VIPR1: variants seen among roughly 807,000 people sequenced by gnomAD.
The protein encoded by VIPR1 is vasoactive intestinal peptide receptor 1, also known as vasoactive intestinal polypeptide receptor 1.
Under a neutral mutation model 58.8 loss-of-function variants are expected in VIPR1, and 59 were observed. The ratio of observed to expected loss-of-function variants is 1.00; its 90% CI spans 0.81 to 1.25. The LOEUF is 1.25. VIPR1 is among the 50% of genes most tolerant of loss of function. The pLI is 0.00. For synonymous variants in VIPR1, 251 were observed against 242.1 expected (o/e 1.04, Z -0.34); for missense variants, 626 against 602.7 (o/e 1.04, Z -0.40).
intron 9 of VIPR1, 146 bp from the exon 10 acceptor site, chr3:42,532,096 C>A: frequency 1.0e-6 from 1 of 956,452 alleles, no homozygotes; most frequent in Non-Finnish European, 1.6e-6. Context: ...CCCGGATGAC[C>A]TGCCCAAAGG....
intron 5 of VIPR1, 33 bp from the exon 6 acceptor site, chr3:42,527,958 C>T (rs1701323198): frequency 2.5e-6 from 4 of 1,608,450 alleles, no homozygotes; most frequent in Non-Finnish European, 3.4e-6. Context: ...TCCAAGGCCC[C>T]TTTGGCCTCC....
chr3:42,500,939 G>T (rs1280366095), upstream of VIPR1, among the ~76,000 whole-genome samples: 1 of 152,206 alleles, frequency 6.6e-6, no homozygotes, highest in Non-Finnish European at 1.5e-5. Context: ...AGCTCCCCAA[G>T]TTCCCCTCAT....
intron 6 of VIPR1, chr3:42,528,534 C>A: frequency 4.7e-6 from 1 of 213,438 alleles, no homozygotes. Context: ...CCTGCATAGC[C>A]AGGGCTCTGC....
At chr3:42,505,406 C>T (rs1456286536) in intron 1 of VIPR1, among the ~76,000 whole-genome samples, 1 of 152,214 alleles carries the variant, frequency 6.6e-6, no homozygotes, top group South Asian at 2.1e-4. Flanking sequence ...TGGCCACAAG[C>T]TCCTGAAGGC....
chr3:42,533,806 C>G (rs572367601), intron 10 of VIPR1: 5 of 152,370 alleles, frequency 3.3e-5, no homozygotes, highest in African/African-American at 1.2e-4. Context: ...GGCTGAGAAC[C>G]AGGTCCAGGA....
chr3:42,522,323 G>C (rs1214010894), intron 3 of VIPR1, among the ~76,000 whole-genome samples: 1 of 151,414 alleles, frequency 6.6e-6, no homozygotes, highest in East Asian at 2.0e-4. Context: ...TAGCCAGGAT[G>C]GTCTCGATCT....
At position 42,507,636 on chromosome 3, in the gene VIPR1, G is replaced by A. The variant is rs557419325; in HGVS notation, c.78+4823G>A. ...CAGTTCCCTAGGTGTGGCCAGGATC[G>A]TGAACAAGCAGCAGAGGATTTAAAC... On this transcript the variant is annotated intron_variant, in intron 1 of 12. Coordinates refer to ENST00000325123, the MANE Select transcript of VIPR1 (RefSeq NM_004624.4). Among the ~76,000 whole-genome samples, 7 of 152,294 alleles carry A rather than the reference G, an allele frequency of 4.6e-5. No individual in the cohort carries two copies. In the South Asian group the frequency reaches 1.0e-3, roughly 23 times the overall value.
At chr3:42,518,088 T>A (rs1331707183) in intron 2 of VIPR1, among the ~76,000 whole-genome samples, 1 of 152,008 alleles carries the variant, frequency 6.6e-6, no homozygotes, top group Non-Finnish European at 1.5e-5. Context: ...CACGTACCCA[T>A]CCACTTTATA....
chr3:42,518,572 C>G (rs1700747646), intron 2 of VIPR1, among the ~76,000 whole-genome samples: 1 of 152,124 alleles, frequency 6.6e-6, no homozygotes, highest in Non-Finnish European at 1.5e-5. Flanking sequence ...AACCCTGTCT[C>G]TACTAAAAAT....
chr3:42,513,857 G>A lies in VIPR1; in HGVS notation c.184+3G>A. On this transcript the variant is annotated splice_donor_region_variant and intron_variant, in intron 2 of 12. Coordinates refer to ENST00000325123, the MANE Select transcript of VIPR1 (RefSeq NM_004624.4). ...CCAGCTGGAGAATGAGACAATAGGT[G>A]AGGCCCCCATGGGCAGAGAGGGGCT... The A allele has an allele frequency of 6.4e-7, 1 of 1,551,534 alleles. No individual in the cohort carries two copies. Among genetic ancestry groups the A allele is most frequent in the Non-Finnish European group, 8.7e-7 (1 of 1,146,876 alleles).
chr3:42,516,025 G>T (rs1251026862), intron 2 of VIPR1, among the ~76,000 whole-genome samples: 13 of 152,188 alleles, frequency 8.5e-5, no homozygotes, highest in Non-Finnish European at 1.9e-4. Flanking sequence ...ATGTGTGCAT[G>T]TTTGCATGTG....
chr3:42,495,375 C>T (rs1412978046), intron 1 of VIPR1, among the ~76,000 whole-genome samples: 6 of 152,150 alleles, frequency 3.9e-5, no homozygotes, highest in Non-Finnish European at 8.8e-5. Flanking sequence ...CCCTCCTTGG[C>T]CTCCCAAAGT....
At chr3:42,531,559 G>C (rs141356995) in intron 8 of VIPR1, 28 bp downstream of exon 8, 2 of 1,589,378 alleles carry the variant, frequency 1.3e-6, no homozygotes, top group African/African-American at 2.7e-5. Context: ...ACACTCCCCC[G>C]GCCGCCATCA....
At chr3:42,499,092 C>T (rs1442941869), upstream of VIPR1, among the ~76,000 whole-genome samples, 1 of 152,226 alleles carries the variant, frequency 6.6e-6, no homozygotes, top group African/African-American at 2.4e-5. Flanking sequence ...CCGGAGAAAG[C>T]AAATGTTGCC....
chr3:42,528,114 C>G lies in VIPR1; in HGVS notation c.627C>G (p.Ser209=). Residue 209 remains serine, a synonymous_variant, in exon 6 of 13, where the codon TCC becomes TCG. Transcript: ENST00000325123. ...LFDSGESDQC[S]EGSVGCKAAM... The stretch of plus-strand genomic sequence containing the variant: ...ACAGCGGGGAGTCGGACCAGTGCTC[C>G]GAGGGCTCGGTGAGGATCCTGGCCC... 2 of 1,613,588 alleles carry G rather than the reference C, an allele frequency of 1.2e-6. No homozygotes were observed. The highest frequency in any genetic ancestry group is 1.1e-5 in the South Asian group (1 of 91,068).
At chr3:42,504,072 T>C (rs1162835740) in intron 1 of VIPR1, among the ~76,000 whole-genome samples, 4 of 152,110 alleles carry the variant, frequency 2.6e-5, no homozygotes, top group Non-Finnish European at 5.9e-5. Context: ...GAGACCCACC[T>C]CCTGAGCACT....
Position 42,519,275 on chromosome 3 carries a change from C to T in VIPR1, c.237C>T (p.Gly79=). 1 of 1,611,102 alleles carries T rather than the reference C, an allele frequency of 6.2e-7. No individual in the cohort carries two copies. The highest frequency in any genetic ancestry group is 8.5e-7 in the Non-Finnish European group (1 of 1,178,736). The part of the protein sequence containing the change: ...NLTCWPATPR[G]QVVVLACPLI... ...CCTGCTGGCCAGCCACCCCTCGGGGCCAGGTAGTTGTCTTGGCCTGTCCCC... is the reference window on the plus strand; with the variant it reads ...CCTGCTGGCCAGCCACCCCTCGGGGTCAGGTAGTTGTCTTGGCCTGTCCCC... The change falls in exon 3 of 13, where the codon GGC becomes GGT. Residue 79 remains glycine, a synonymous_variant. Transcript: ENST00000325123.
Position 42,502,678 on chromosome 3 carries a change from C to T in VIPR1, c.-58C>T, listed in dbSNP as rs964221665. ...GCTCCCGGCCATCGCCCGCCTGGTG[C>T]GCCGCCCGCCAGCTCTTTGCCCGCG... On this transcript the variant is annotated 5_prime_UTR_variant, in exon 1 of 13. Coordinates refer to ENST00000325123, the MANE Select transcript of VIPR1 (RefSeq NM_004624.4). 4 of 1,226,272 alleles carry T rather than the reference C, an allele frequency of 3.3e-6. No homozygotes were observed. Among genetic ancestry groups the T allele is most frequent in the South Asian group, 3.0e-5 (1 of 32,828 alleles). The allele number at this position is 1,226,272 out of a possible 1,614,324, so 76.0% of individuals were successfully genotyped here.
At chr3:42,531,989 C>A in intron 9 of VIPR1, 120 bp downstream of exon 9, 1 of 1,181,610 alleles carries the variant, frequency 8.5e-7, no homozygotes, top group Admixed American at 2.0e-5. Flanking sequence ...TTCCTAATGC[C>A]CAATGCAGGA....
Sources: allele counts gnomAD v4.1 joint callset (sites outside exome capture counted in the v4.1 genomes callset), GRCh38; gene constraint gnomAD v4.1.1; transcripts MANE v1.5; gene names NCBI Gene and HGNC (gene_info 2026-07-23, HGNC 2026-07-21).